The following BPNT2 variants were observed in gnomAD, a reference collection of about 807,000 sequenced individuals.
The protein encoded by BPNT2 is 3'(2'), 5'-bisphosphate nucleotidase 2.
BPNT2 carries 11 observed loss-of-function variants against 29.3 expected under a neutral mutation model. The ratio of observed to expected loss-of-function variants is 0.38; its 90% CI spans 0.24 to 0.62. The LOEUF (loss-of-function observed/expected upper bound fraction) is 0.62, where lower values mean the gene tolerates loss of function less well. Among genes scored for constraint, BPNT2 ranks in the 20% least tolerant of loss-of-function variants. BPNT2 has a pLI of 0.62. For synonymous variants in BPNT2, 195 were observed against 187.7 expected (o/e 1.04, Z -0.32); for missense variants, 459 against 473.4 (o/e 0.97, Z 0.28).
chr8:56,970,363 T>A (rs1806010351), intron 3 of BPNT2, among the ~76,000 whole-genome samples: 1 of 152,138 alleles, frequency 6.6e-6, no homozygotes, highest in Non-Finnish European at 1.5e-5. Flanking sequence ...GCACTTTTTA[T>A]AAGAGGATAT....
At chr8:56,981,934 T>C (rs1418655185) in intron 1 of BPNT2, among the ~76,000 whole-genome samples, 4 of 152,068 alleles carry the variant, frequency 2.6e-5, no homozygotes, top group Non-Finnish European at 4.4e-5. Flanking sequence ...GCACTGACAA[T>C]ACATGAGTAT....
At chr8:56,976,669 TCA>T (rs1226328388) in intron 3 of BPNT2, among the ~76,000 whole-genome samples, 3 of 152,182 alleles carry the variant, frequency 2.0e-5, no homozygotes, top group South Asian at 2.1e-4. Context: ...AATTTGGGAT[TCA>T]CAGTTATTCA....
chr8:56,978,219 C>T (rs1236266594), intron 2 of BPNT2, 74 bp from the exon 3 acceptor site: 11 of 952,866 alleles, frequency 1.2e-5, no homozygotes, highest in Admixed American at 1.7e-5. Context: ...CAATATTACA[C>T]TTTAGTTCAT....
chr8:56,970,564 G>T (rs1806014153), intron 3 of BPNT2, among the ~76,000 whole-genome samples: 1 of 152,134 alleles, frequency 6.6e-6, no homozygotes, highest in Admixed American at 6.6e-5. Flanking sequence ...TGGTTGACTG[G>T]ATCTTGGTTT....
chr8:56,974,435 C>T (rs527988523), intron 3 of BPNT2, among the ~76,000 whole-genome samples: 1 of 152,236 alleles, frequency 6.6e-6, no homozygotes, highest in South Asian at 2.1e-4. Context: ...ATAAGCTTTG[C>T]TCTTATTGCC....
Position 56,993,491 on chromosome 8 carries a change from A to G in BPNT2, c.95T>C (p.Leu32Ser). The change falls in exon 1 of 5, where the codon TTG (leucine) becomes TCG (serine). Residue 32 changes from leucine to serine, a missense_variant. Transcript: ENST00000262644. ...GCCGAAGAGGCTGAAGCGGCCGGCC[A>G]AGAAGCCCGAGTAGAGGTGGTAGAG... ...GVLYHLYSGFLAGRFSLFGLG... is the reference protein window; with the variant it reads ...GVLYHLYSGFSAGRFSLFGLG... The G allele has an allele frequency of 6.7e-7, 1 of 1,500,102 alleles. No individual in the cohort carries two copies. Among genetic ancestry groups the G allele is most frequent in the Non-Finnish European group, 8.9e-7 (1 of 1,125,212 alleles). 92.9% of individuals were successfully genotyped at this position (1,500,102 alleles called of 1,614,324 possible).
At chr8:56,981,367 C>G (rs975091610) in intron 1 of BPNT2, among the ~76,000 whole-genome samples, 1 of 152,170 alleles carries the variant, frequency 6.6e-6, no homozygotes, top group African/African-American at 2.4e-5. Context: ...GAGATCAAGG[C>G]CATCCTGGCC....
intron 4 of BPNT2, among the ~76,000 whole-genome samples, chr8:56,965,269 A>C (rs754931001): frequency 2.0e-5 from 3 of 152,206 alleles, no homozygotes; most frequent in Non-Finnish European, 4.4e-5. Context: ...CGATGAGCCT[A>C]GATCACACCA....
chr8:56,967,228 A>G (rs1585556256), intron 3 of BPNT2: 1 of 456,332 alleles, frequency 2.2e-6, no homozygotes, highest in Admixed American at 2.3e-5. Flanking sequence ...GCTGCAGAGA[A>G]AAAAATCAAA....
intron 2 of BPNT2, among the ~76,000 whole-genome samples, chr8:56,978,369 G>A (rs1224246465): frequency 6.6e-6 from 1 of 152,076 alleles, no homozygotes; most frequent in Non-Finnish European, 1.5e-5. Context: ...TAGTCAGAAT[G>A]GCTATTATTA....
At chr8:56,976,040 G>A (rs1313703878) in intron 3 of BPNT2, among the ~76,000 whole-genome samples, 1 of 152,088 alleles carries the variant, frequency 6.6e-6, no homozygotes, top group Non-Finnish European at 1.5e-5. Flanking sequence ...TTGAAAATAA[G>A]GACTACATTT....
chr8:56,989,581 A>C (rs528228163), intron 1 of BPNT2, among the ~76,000 whole-genome samples: 1 of 152,174 alleles, frequency 6.6e-6, no homozygotes, highest in Non-Finnish European at 1.5e-5. Context: ...CAAGCTCAGC[A>C]TAACTTCCCC....
Position 56,960,629 on chromosome 8 carries a change from T to C in BPNT2, c.*3164A>G, listed in dbSNP as rs924582800. The C allele has an allele frequency of 3.9e-5, 6 of 152,212 alleles. No individual in the cohort carries two copies. Among genetic ancestry groups the C allele is most frequent in the African/African-American group, 1.2e-4 (5 of 41,450 alleles). 9.4% of individuals were successfully genotyped at this position (152,212 alleles called of 1,614,324 possible). A position where few individuals can be genotyped will look rare whatever the true frequency, so the allele number is the denominator to read the frequency against. ...CAAACATGACCATCTTGTAGGTCCT[T>C]GTAAATTCAACTGAACTGGGGATAC... is the stretch of plus-strand genomic sequence containing the variant. On this transcript the variant is annotated 3_prime_UTR_variant, in exon 5 of 5. Coordinates refer to ENST00000262644, the MANE Select transcript of BPNT2 (RefSeq NM_017813.5).
intron 3 of BPNT2, among the ~76,000 whole-genome samples, chr8:56,969,165 C>T (rs1805994263): frequency 6.6e-6 from 1 of 152,194 alleles, no homozygotes. Context: ...GCCTCCAAAA[C>T]TTTGAAAGAA....
chr8:56,984,028 A>G (rs1053786246), intron 1 of BPNT2, among the ~76,000 whole-genome samples: 6 of 152,150 alleles, frequency 3.9e-5, no homozygotes, highest in African/African-American at 1.4e-4. Flanking sequence ...AAAAAGGAAT[A>G]AACTTCAAAA....
rs193236928 is a variant in BPNT2, at chr8:56,983,999, G to A, written c.388-3802C>T. Among the ~76,000 whole-genome samples the A allele has an allele frequency of 1.8e-3, 280 of 151,654 alleles. 1 individual carries two copies. The highest frequency in any genetic ancestry group is 6.3e-3 in the African/African-American group (262 of 41,342). ...TGCCAGACTACCTCAGATGAATGAAGATAACAGTAACACCATGCAAAAAGG... is the reference window on the plus strand; with the variant it reads ...TGCCAGACTACCTCAGATGAATGAAAATAACAGTAACACCATGCAAAAAGG... On this transcript the variant is annotated intron_variant, in intron 1 of 4. Transcript: ENST00000262644.
intron 3 of BPNT2, among the ~76,000 whole-genome samples, chr8:56,970,016 T>C (rs1292038823): frequency 1.3e-5 from 2 of 152,198 alleles, no homozygotes; most frequent in East Asian, 3.8e-4. Flanking sequence ...GAAAATTCTC[T>C]ATAGAAGAAT....
At chr8:56,970,201 C>G (rs1018573982) in intron 3 of BPNT2, among the ~76,000 whole-genome samples, 1 of 152,144 alleles carries the variant, frequency 6.6e-6, no homozygotes, top group East Asian at 1.9e-4. Context: ...ACTAAGAGAT[C>G]AGGTCATGAA....
intron 4 of BPNT2, among the ~76,000 whole-genome samples, chr8:56,965,212 G>A (rs760855287): frequency 2.6e-5 from 4 of 152,028 alleles, no homozygotes; most frequent in Non-Finnish European, 5.9e-5. Flanking sequence ...CCAGCTACTC[G>A]GGAGGCTGAG....
Sources: gnomAD v4.1 joint callset for allele counts (sites outside exome capture counted in the v4.1 genomes callset) on GRCh38, gnomAD v4.1.1 for gene constraint, MANE v1.5 for transcripts, NCBI Gene and HGNC (gene_info 2026-07-23, HGNC 2026-07-21) for gene names.